The following ADAMTS18 variants were observed in gnomAD, a reference collection of about 807,000 sequenced individuals.
ADAMTS18 encodes the protein ADAM metallopeptidase with thrombospondin type 1 motif 18.
ADAMTS18 carries 157 observed loss-of-function variants against 165.9 expected under a neutral mutation model. That is an observed-to-expected ratio of 0.95 (90% confidence interval 0.83 to 1.08). The LOEUF (loss-of-function observed/expected upper bound fraction) is 1.08. Among genes scored for constraint, ADAMTS18 ranks in the 50% least tolerant of loss-of-function variants. The probability of loss-of-function intolerance (pLI) is 0.00; values close to 1 mark genes in which losing one functional copy is unlikely to be tolerated. For missense variants in ADAMTS18, 2,040 were observed against 1,534.0 expected (o/e 1.33, Z -5.51); for synonymous variants, 782 against 578.2 (o/e 1.35, Z -5.06).
rs1567480792 is a variant in ADAMTS18 at position 77,322,259 on chromosome 16, C to T, written c.2163+77G>A. 79 of 1,556,926 alleles carry T rather than the reference C, an allele frequency of 5.1e-5. No individual in the cohort carries two copies. In the South Asian group the frequency reaches 7.6e-4, roughly 15 times the overall value. On this transcript the variant is annotated intron_variant, in intron 14 of 22. Coordinates refer to ENST00000282849, the MANE Select transcript of ADAMTS18 (RefSeq NM_199355.4). ...TCTTCTCCAGACACACAATCTCTCACACCACTGTTCACGGTACACACGATA... is the reference window on the plus strand; with the variant it reads ...TCTTCTCCAGACACACAATCTCTCATACCACTGTTCACGGTACACACGATA...
chr16:77,415,759 T>G (rs1222978984), intron 3 of ADAMTS18, among the ~76,000 whole-genome samples: 1 of 145,344 alleles, frequency 6.9e-6, no homozygotes, highest in South Asian at 2.2e-4. Context: ...GTGGCCACTG[T>G]CATTTTTGAG....
At chr16:77,306,457 A>G (rs1315653038) in intron 16 of ADAMTS18, among the ~76,000 whole-genome samples, 1 of 152,230 alleles carries the variant, frequency 6.6e-6, no homozygotes, top group Non-Finnish European at 1.5e-5. Flanking sequence ...AATCACGGGT[A>G]AATGATTCTC....
At chr16:77,392,768 T>C (rs1274239342) in intron 3 of ADAMTS18, among the ~76,000 whole-genome samples, 2 of 152,128 alleles carry the variant, frequency 1.3e-5, no homozygotes, top group Non-Finnish European at 2.9e-5. Context: ...AGATGGCAGA[T>C]CTCTGTGCAA....
chr16:77,370,580 T>G (rs982522081), intron 3 of ADAMTS18, among the ~76,000 whole-genome samples: 2 of 151,966 alleles, frequency 1.3e-5, no homozygotes, highest in Non-Finnish European at 2.9e-5. Context: ...TGAAACCATG[T>G]CTCTACTAAA....
chr16:77,355,202 TTGTGTGTGTGTG>T (rs141620918), intron 9 of ADAMTS18, among the ~76,000 whole-genome samples: 3 of 146,700 alleles, frequency 2.0e-5, no homozygotes, highest in Non-Finnish European at 3.0e-5. Context: ...AAAGGTAGGA[TTGTGTGTGTGTG>T]TGTGTGTGTG....
chr16:77,291,027 C>G (rs1360644549), intron 21 of ADAMTS18: 3 of 469,928 alleles, frequency 6.4e-6, no homozygotes, highest in South Asian at 2.4e-5. Context: ...CATACATTTT[C>G]TGATGAACAA....
rs534900577 is a variant in ADAMTS18, at chr16:77,376,521, A to T, written c.496-8798T>A. Among the ~76,000 whole-genome samples the T allele has an allele frequency of 1.3e-3, 203 of 152,282 alleles. 1 individual carries two copies. The highest frequency in any genetic ancestry group is 2.2e-3 in the Non-Finnish European group (148 of 68,026). Reference sequence around the variant, plus strand: ...AACCAACCCCTTCCCCTCAAGAGACAAGAGTCAAGCCGAGGGAAAGGACTG... The same window carrying T: ...AACCAACCCCTTCCCCTCAAGAGACTAGAGTCAAGCCGAGGGAAAGGACTG... On this transcript the variant is annotated intron_variant, in intron 3 of 22. Coordinates refer to ENST00000282849, the MANE Select transcript of ADAMTS18 (RefSeq NM_199355.4).
chr16:77,368,339 T>C (rs568594724), intron 3 of ADAMTS18, among the ~76,000 whole-genome samples: 1 of 152,294 alleles, frequency 6.6e-6, no homozygotes, highest in East Asian at 1.9e-4. Context: ...ATTGCATTTA[T>C]GACCTGGCAG....
At chr16:77,359,473 T>C in intron 7 of ADAMTS18, 50 bp from the exon 8 acceptor site, 3 of 1,462,134 alleles carry the variant, frequency 2.1e-6, no homozygotes, top group Non-Finnish European at 2.8e-6. Flanking sequence ...CACACACAGA[T>C]ACATGATGAT....
At chr16:77,358,736 A>G (rs1428366861) in intron 8 of ADAMTS18, among the ~76,000 whole-genome samples, 1 of 152,226 alleles carries the variant, frequency 6.6e-6, no homozygotes, top group Non-Finnish European at 1.5e-5. Context: ...CTAAACTGGT[A>G]TATCTGAAGA....
intron 10 of ADAMTS18, among the ~76,000 whole-genome samples, chr16:77,342,008 A>T (rs2144688682): frequency 6.6e-6 from 1 of 152,314 alleles, no homozygotes; most frequent in Admixed American, 6.5e-5. Context: ...CCAGATATTC[A>T]TGTGTGTTTT....
At chr16:77,307,178 T>C (rs1258644386) in intron 16 of ADAMTS18, among the ~76,000 whole-genome samples, 1 of 152,236 alleles carries the variant, frequency 6.6e-6, no homozygotes, top group African/African-American at 2.4e-5. Context: ...ACTTTATTGG[T>C]TGGCCTTTTC....
chr16:77,372,989 T>C lies in ADAMTS18; in HGVS notation c.496-5266A>G, dbSNP rs151266287. 7.3e-3 allele frequency among the ~76,000 whole-genome samples: 1,116 copies of C among 152,324 alleles called. 13 individuals are homozygous for C. The highest frequency in any genetic ancestry group is 0.011 in the Non-Finnish European group (753 of 68,024). On this transcript the variant is annotated intron_variant, in intron 3 of 22. Transcript: ENST00000282849. ...ACCTGCCAGCTTTATCTGTCCTCTC[T>C]TCCTCTTCTCACACCATTCTAAACA...
intron 4 of ADAMTS18, among the ~76,000 whole-genome samples, chr16:77,365,905 G>A (rs1220622398): frequency 2.6e-5 from 4 of 152,194 alleles, no homozygotes. Flanking sequence ...ATGAAAACAG[G>A]TGACACTTGT....
rs377705872 is a variant in ADAMTS18, at chr16:77,293,166, A to C, written c.3099T>G (p.Ser1033Arg). Residue 1033 changes from serine to arginine, a missense_variant, in exon 20 of 23, where the codon AGT becomes AGG. Ser to Arg is a moderately radical substitution (Grantham distance 110). Coordinates refer to ENST00000282849, the MANE Select transcript of ADAMTS18 (RefSeq NM_199355.4). ...AETLPESQCT[S>R]LPRPELQEGC... ...CCTCCTGCAGCTCAGGTCTGGGGAG[A>C]CTGGTACACTGGCTCTCGGGGAGGG... 6.2e-7 allele frequency: 1 copy of C among 1,613,776 alleles called. No homozygotes were observed.
intron 3 of ADAMTS18, among the ~76,000 whole-genome samples, chr16:77,381,046 G>T (rs770686016): frequency 6.6e-6 from 1 of 151,942 alleles, no homozygotes; most frequent in African/African-American, 2.4e-5. Flanking sequence ...GTGAATTTTT[G>T]TATTTTTAGT....
At position 77,434,837 on chromosome 16, in the gene ADAMTS18, G is replaced by A; in HGVS notation, c.-142C>T. ...GAGCCGCCGCCGTTCACATCGCAGC[G>A]GGGGCGCGCTGGGACCTCCCCTCCT... On this transcript the variant is annotated 5_prime_UTR_variant, in exon 1 of 23. Coordinates refer to ENST00000282849, the MANE Select transcript of ADAMTS18 (RefSeq NM_199355.4). 3.1e-6 allele frequency: 2 copies of A among 653,332 alleles called. No homozygotes were observed. The highest frequency in any genetic ancestry group is 4.4e-6 in the Non-Finnish European group (2 of 454,914). 40.5% of individuals were successfully genotyped at this position (653,332 alleles called of 1,614,324 possible).
At chr16:77,397,656 T>C (rs2057275781) in intron 3 of ADAMTS18, among the ~76,000 whole-genome samples, 1 of 152,208 alleles carries the variant, frequency 6.6e-6, no homozygotes, top group South Asian at 2.1e-4. Flanking sequence ...AATGTTGATA[T>C]TTAGGATGAT....
chr16:77,290,422 T>C (rs1269588522), intron 21 of ADAMTS18: 1 of 152,036 alleles, frequency 6.6e-6, no homozygotes, highest in Non-Finnish European at 1.5e-5. Context: ...AATAAACTTA[T>C]TAGAGTCAAT....
Sources: allele counts gnomAD v4.1 joint callset (sites outside exome capture counted in the v4.1 genomes callset), GRCh38; gene constraint gnomAD v4.1.1; transcripts MANE v1.5; gene names NCBI Gene and HGNC (gene_info 2026-07-23, HGNC 2026-07-21).